The following SENP6 variants were observed in gnomAD, a reference collection of about 807,000 sequenced individuals.
SENP6 encodes SUMO specific peptidase 6.
Under a neutral mutation model 134.5 loss-of-function variants are expected in SENP6, and 41 were observed. That is an observed-to-expected ratio of 0.30 (90% CI 0.24 to 0.40). SENP6 has a LOEUF of 0.40. Ranked by LOEUF, SENP6 falls within the 10% of genes least tolerant of loss-of-function variation. The pLI is 1.00. For synonymous variants in SENP6, 395 were observed against 429.8 expected, an observed-to-expected ratio of 0.92 and a Z score of 1.00; for missense variants, 1,248 against 1,312.5, an observed-to-expected ratio of 0.95 and a Z score of 0.76.
intron 6 of SENP6, among the ~76,000 whole-genome samples, chr6:75,641,548 A>G (rs192874538): frequency 1.3e-5 from 2 of 152,244 alleles, no homozygotes; most frequent in Admixed American, 6.5e-5. Flanking sequence ...TTGTAAGAAC[A>G]CTGGCAGACA....
At chr6:75,620,429 CCA>C (rs1768180814) in intron 1 of SENP6, among the ~76,000 whole-genome samples, 1 of 151,998 alleles carries the variant, frequency 6.6e-6, no homozygotes, top group Admixed American at 6.5e-5. Flanking sequence ...TGGTAAGGTC[CCA>C]CTTTTTCACA....
chr6:75,709,759 T>C, intron 20 of SENP6, 129 bp downstream of exon 20: 1 of 539,612 alleles, frequency 1.9e-6, no homozygotes, highest in Non-Finnish European at 3.3e-6. Flanking sequence ...CTCTTGAGCC[T>C]AGGAGTTTGA....
At chr6:75,637,157 T>G (rs1769586250) in intron 5 of SENP6, among the ~76,000 whole-genome samples, 1 of 152,198 alleles carries the variant, frequency 6.6e-6, no homozygotes, top group Non-Finnish European at 1.5e-5. Context: ...ATTACAGGCC[T>G]GAGCACTGCA....
At chr6:75,700,171 A>G in intron 18 of SENP6, among the ~76,000 whole-genome samples, 1 of 152,096 alleles carries the variant, frequency 6.6e-6, no homozygotes, top group African/African-American at 2.4e-5. Context: ...TCAGCCTCCC[A>G]TAGCACCAGG....
rs150275580 is a variant in SENP6, at chr6:75,700,546, G to A, written c.2289-2099G>A. Among the ~76,000 whole-genome samples the A allele has an allele frequency of 6.7e-3, 1,013 of 152,150 alleles. 9 individuals carry two copies. Among genetic ancestry groups the A allele is most frequent in the Middle Eastern group, 0.034 (10 of 294 alleles). ...CTGTCGCCCAGACTGGAGTGCAGTG[G>A]CACCATCTCGGCTCACTGCAATCTC... On this transcript the variant is annotated intron_variant, in intron 18 of 23. Coordinates refer to ENST00000447266, the MANE Select transcript of SENP6 (RefSeq NM_015571.4).
chr6:75,604,941 C>T (rs139701794), intron 1 of SENP6, among the ~76,000 whole-genome samples: 2,396 of 152,110 alleles, frequency 0.016, 36 homozygotes, highest in Middle Eastern at 0.048. Flanking sequence ...GGCGTGGTGG[C>T]GCGCGCCTGT....
intron 16 of SENP6, among the ~76,000 whole-genome samples, chr6:75,693,201 A>C (rs1200999687): frequency 6.6e-6 from 1 of 151,980 alleles, no homozygotes; most frequent in Non-Finnish European, 1.5e-5. Context: ...GGAGTTCGAG[A>C]CCAACCTGGC....
intron 5 of SENP6, chr6:75,635,110 A>G (rs1769411766): frequency 2.4e-6 from 1 of 416,824 alleles, no homozygotes; most frequent in East Asian, 5.5e-5. Context: ...TTTGACTGAG[A>G]TATCTTCAGT....
At chr6:75,625,855 C>A (rs151155671) in intron 3 of SENP6, among the ~76,000 whole-genome samples, 1,733 of 152,112 alleles carry the variant, frequency 0.011, 32 homozygotes, top group African/African-American at 0.039. Flanking sequence ...GGTGACAGAG[C>A]GAGACTCAGT....
At chr6:75,632,810 T>G (rs1001015514) in intron 3 of SENP6, among the ~76,000 whole-genome samples, 2 of 152,184 alleles carry the variant, frequency 1.3e-5, no homozygotes, top group South Asian at 2.1e-4. Context: ...CCATAAAATT[T>G]TAAAAACTTA....
intron 7 of SENP6, among the ~76,000 whole-genome samples, chr6:75,658,657 A>C (rs1224727339): frequency 6.6e-6 from 1 of 152,120 alleles, no homozygotes; most frequent in African/African-American, 2.4e-5. Flanking sequence ...CAAAGTTAGA[A>C]AATTAGCTTG....
At chr6:75,616,071 T>C (rs1767827488) in intron 1 of SENP6, among the ~76,000 whole-genome samples, 1 of 152,200 alleles carries the variant, frequency 6.6e-6, no homozygotes, top group African/African-American at 2.4e-5. Context: ...TTTGTTCTTA[T>C]GGGTTGCTAC....
intron 1 of SENP6, among the ~76,000 whole-genome samples, chr6:75,615,315 G>A (rs1767770285): frequency 6.6e-6 from 1 of 152,106 alleles, no homozygotes; most frequent in African/African-American, 2.4e-5. Flanking sequence ...GAGTAGCTGG[G>A]ATTACAGGTG....
chr6:75,605,003 C>G (rs1402505284), intron 1 of SENP6, among the ~76,000 whole-genome samples: 1 of 152,092 alleles, frequency 6.6e-6, no homozygotes, highest in Admixed American at 6.5e-5. Flanking sequence ...AACCCAGGAG[C>G]TGGAGGTTGC....
At chr6:75,636,726 A>C (rs903231177) in intron 5 of SENP6, among the ~76,000 whole-genome samples, 6 of 152,186 alleles carry the variant, frequency 3.9e-5, no homozygotes. Context: ...AACTGCATGC[A>C]GTAGGAATCA....
At position 75,667,633 on chromosome 6, in the gene SENP6, A is replaced by G. The variant is rs143943738; in HGVS notation, c.1224+692A>G. ...ACACTTTCCCAATTTGCTGATGGAA[A>G]AGAAAGTTACTATGATCTTTTGGGA... On this transcript the variant is annotated intron_variant, in intron 10 of 23. Coordinates refer to ENST00000447266, the MANE Select transcript of SENP6 (RefSeq NM_015571.4). Among the ~76,000 whole-genome samples the G allele has an allele frequency of 4.8e-3, 725 of 152,332 alleles. 5 individuals are homozygous for G. The highest frequency in any genetic ancestry group is 0.046 in the South Asian group (224 of 4,832).
intron 1 of SENP6, among the ~76,000 whole-genome samples, chr6:75,615,982 T>C (rs976440537): frequency 2.0e-5 from 3 of 152,212 alleles, no homozygotes; most frequent in South Asian, 2.1e-4. Flanking sequence ...ACTATACTAG[T>C]TCCTATTCAT....
chr6:75,633,309 A>G (rs964672102), intron 3 of SENP6, among the ~76,000 whole-genome samples: 2 of 152,184 alleles, frequency 1.3e-5, no homozygotes, highest in Admixed American at 6.5e-5. Context: ...AAGCTATCCT[A>G]AGATCCTCTA....
intron 16 of SENP6, among the ~76,000 whole-genome samples, chr6:75,695,249 A>G (rs1202168355): frequency 2.6e-5 from 4 of 152,166 alleles, no homozygotes; most frequent in African/African-American, 9.7e-5. Context: ...CAGTGGCTCA[A>G]TTTCAGCTAA....
Sources: allele counts gnomAD v4.1 joint callset (sites outside exome capture counted in the v4.1 genomes callset), GRCh38; gene constraint gnomAD v4.1.1; transcripts MANE v1.5; gene names NCBI Gene and HGNC (gene_info 2026-07-23, HGNC 2026-07-21).